PTPRM: variants seen among roughly 807,000 people sequenced by gnomAD.
PTPRM encodes the protein receptor-type tyrosine-protein phosphatase mu.
In PTPRM, 47 loss-of-function variants were observed where a neutral mutation model predicts 186.7. The observed-to-expected ratio is 0.25, with a 90% confidence interval of 0.20 to 0.32. The LOEUF (loss-of-function observed/expected upper bound fraction) is 0.32. Among genes scored for constraint, PTPRM ranks in the 10% least tolerant of loss-of-function variants. The pLI, the probability that PTPRM is intolerant of heterozygous loss-of-function variation, is 1.00. For missense variants in PTPRM, 1,494 were observed against 1,865.0 expected (o/e 0.80, Z 3.66); for synonymous variants, 668 against 674.9 (o/e 0.99, Z 0.16).
chr18:7,982,408 C>T (rs1197487667), intron 7 of PTPRM, among the ~76,000 whole-genome samples: 4 of 151,748 alleles, frequency 2.6e-5, no homozygotes, highest in Non-Finnish European at 4.4e-5. Flanking sequence ...TCCTCTCCCA[C>T]TGGAAGGTCT....
In PTPRM at chr18:8,253,461, C is replaced by T. The variant is rs140678689; in HGVS notation, c.2754+47C>T. 7.2e-4 allele frequency: 985 copies of T among 1,370,762 alleles called. 2 individuals are homozygous for T. The highest frequency in any genetic ancestry group is 1.6e-3 in the Middle Eastern group (8 of 4,928). 84.9% of individuals were successfully genotyped at this position (1,370,762 alleles called of 1,614,324 possible). A position where few individuals can be genotyped will look rare whatever the true frequency, so the allele number is the denominator to read the frequency against. On this transcript the variant is annotated intron_variant, in intron 19 of 32. Coordinates refer to ENST00000580170, the MANE Select transcript of PTPRM (RefSeq NM_001105244.2). Reference sequence around the variant, plus strand: ...GGGCTTTCCCATTCCTTCTTGGATTCCATGCCAGGTACTGTGCTCCCAACT... The same window carrying T: ...GGGCTTTCCCATTCCTTCTTGGATTTCATGCCAGGTACTGTGCTCCCAACT...
intron 7 of PTPRM, among the ~76,000 whole-genome samples, chr18:8,042,249 G>A (rs1195754525): frequency 6.6e-6 from 1 of 152,124 alleles, no homozygotes; most frequent in African/African-American, 2.4e-5. Flanking sequence ...TATTAAGTAT[G>A]TACCAAATAT....
At chr18:8,074,344 G>A (rs1023423855) in intron 8 of PTPRM, among the ~76,000 whole-genome samples, 6 of 152,118 alleles carry the variant, frequency 3.9e-5, no homozygotes, top group African/African-American at 1.4e-4. Flanking sequence ...TGGCTATTAT[G>A]AATAATGCTG....
intron 1 of PTPRM, among the ~76,000 whole-genome samples, chr18:7,674,372 T>C (rs944333673): frequency 1.3e-5 from 2 of 152,032 alleles, no homozygotes; most frequent in African/African-American, 4.8e-5. Context: ...TGGAAGTACT[T>C]TGAGATAGGT....
chr18:7,593,420 G>A (rs1203428557), intron 1 of PTPRM, among the ~76,000 whole-genome samples: 1 of 152,144 alleles, frequency 6.6e-6, no homozygotes. Context: ...AGCCAGATTT[G>A]CATCCCACAT....
chr18:8,378,013 CAG>C (rs2095707602), intron 26 of PTPRM: 5 of 359,872 alleles, frequency 1.4e-5, no homozygotes, highest in Non-Finnish European at 2.5e-5. Flanking sequence ...ATCAGAATGA[CAG>C]AGGTCTTCAG....
chr18:7,642,450 G>T (rs1053817840), intron 1 of PTPRM, among the ~76,000 whole-genome samples: 1 of 152,162 alleles, frequency 6.6e-6, no homozygotes, highest in Non-Finnish European at 1.5e-5. Flanking sequence ...GCATTAGCCT[G>T]TCAACAGCTG....
intron 14 of PTPRM, among the ~76,000 whole-genome samples, chr18:8,222,344 T>C (rs1371487394): frequency 2.6e-5 from 4 of 152,218 alleles, no homozygotes; most frequent in Admixed American, 6.5e-5. Flanking sequence ...TTTTCCCTCC[T>C]ATCTGTTGAG....
At chr18:8,066,799 G>A (rs1214329111) in intron 7 of PTPRM, among the ~76,000 whole-genome samples, 1 of 152,102 alleles carries the variant, frequency 6.6e-6, no homozygotes, top group Admixed American at 6.6e-5. Context: ...ATGACAATAG[G>A]CAATTTAGAG....
At chr18:7,695,374 G>C (rs2039821965) in intron 1 of PTPRM, among the ~76,000 whole-genome samples, 1 of 152,134 alleles carries the variant, frequency 6.6e-6, no homozygotes, top group South Asian at 2.1e-4. Flanking sequence ...CTAGAGATGG[G>C]CTGCCTCACA....
chr18:7,853,245 C>T (rs757445973), intron 2 of PTPRM, among the ~76,000 whole-genome samples: 6 of 152,200 alleles, frequency 3.9e-5, no homozygotes, highest in Non-Finnish European at 7.3e-5. Context: ...TCATTTCTTT[C>T]CACAATCCCT....
At chr18:8,209,533 G>C (rs534788885) in intron 14 of PTPRM, among the ~76,000 whole-genome samples, 1 of 152,240 alleles carries the variant, frequency 6.6e-6, no homozygotes, top group African/African-American at 2.4e-5. Flanking sequence ...TTTGTTTGGG[G>C]ACTGAGAAAT....
intron 14 of PTPRM, among the ~76,000 whole-genome samples, chr18:8,233,009 G>A (rs1413991658): frequency 1.3e-5 from 2 of 152,172 alleles, no homozygotes; most frequent in East Asian, 3.9e-4. Context: ...AGATGTCTCA[G>A]GAGATAACTT....
chr18:7,994,058 A>G (rs2083402603), intron 7 of PTPRM, among the ~76,000 whole-genome samples: 1 of 152,112 alleles, frequency 6.6e-6, no homozygotes, highest in African/African-American at 2.4e-5. Context: ...ACCCAACCAT[A>G]TTCTGCCCAC....
chr18:8,256,964 C>T (rs1037909860), intron 19 of PTPRM, among the ~76,000 whole-genome samples: 1 of 152,178 alleles, frequency 6.6e-6, no homozygotes, highest in South Asian at 2.1e-4. Context: ...TTTTACCAAT[C>T]ATACACTGTA....
intron 1 of PTPRM, among the ~76,000 whole-genome samples, chr18:7,616,268 C>T (rs2037801705): frequency 6.6e-6 from 1 of 152,164 alleles, no homozygotes; most frequent in African/African-American, 2.4e-5. Flanking sequence ...CTGTGATCTT[C>T]CTGCCTCAGC....
intron 3 of PTPRM, among the ~76,000 whole-genome samples, chr18:7,904,964 A>G (rs1279345045): frequency 1.3e-5 from 2 of 151,770 alleles, no homozygotes; most frequent in Non-Finnish European, 2.9e-5. Flanking sequence ...TAACCCTTTT[A>G]CTGGTTCTTT....
chr18:7,996,747 C>A (rs2083560274), intron 7 of PTPRM, among the ~76,000 whole-genome samples: 1 of 144,806 alleles, frequency 6.9e-6, no homozygotes, highest in Admixed American at 6.9e-5. Context: ...ACCTAAACAG[C>A]AAACAATCTG....
rs79466675 is a variant in PTPRM at position 7,636,410 on chromosome 18, A to G, written c.73+68519A>G. Among the ~76,000 whole-genome samples, 94 of 152,294 alleles carry G rather than the reference A, an allele frequency of 6.2e-4. No homozygotes were observed. In the East Asian group the frequency reaches 0.015, roughly 24 times the overall value. On this transcript the variant is annotated intron_variant, in intron 1 of 32. Coordinates refer to ENST00000580170, the MANE Select transcript of PTPRM (RefSeq NM_001105244.2). Reference sequence around the variant, plus strand: ...AGTGCATAGGTAATGTAACCATTACATTATTATTGTTCTATTTCATTTACT... The same window carrying G: ...AGTGCATAGGTAATGTAACCATTACGTTATTATTGTTCTATTTCATTTACT...
Sources: gnomAD v4.1 joint callset for allele counts (sites outside exome capture counted in the v4.1 genomes callset) on GRCh38, gnomAD v4.1.1 for gene constraint, MANE v1.5 for transcripts, NCBI Gene and HGNC (gene_info 2026-07-23, HGNC 2026-07-21) for gene names.